The following CHCHD7 variants were observed in gnomAD, a reference collection of about 807,000 sequenced individuals.
CHCHD7 encodes the protein coiled-coil-helix-coiled-coil-helix domain containing 7.
Under a neutral mutation model 10.5 loss-of-function variants are expected in CHCHD7, and 7 were observed. That is an observed-to-expected ratio of 0.67 (90% CI 0.38 to 1.25). The LOEUF (loss-of-function observed/expected upper bound fraction) is 1.25, where lower values mean the gene tolerates loss of function less well. CHCHD7 is among the 50% of genes most tolerant of loss of function. CHCHD7 has a pLI of 0.02. For missense variants in CHCHD7, 100 were observed against 104.5 expected, an observed-to-expected ratio of 0.96 and a Z score of 0.19; for synonymous variants, 40 against 36.0, an observed-to-expected ratio of 1.11 and a Z score of -0.40.
At chr8:56,216,996 C>T (rs984323056) in intron 3 of CHCHD7, 27 of 421,382 alleles carry the variant, frequency 6.4e-5, no homozygotes, top group African/African-American at 3.0e-4. Context: ...TATTTCCTTT[C>T]GCTTTGCTAA....
intron 2 of CHCHD7, 163 bp downstream of exon 2, chr8:56,214,830 A>C (rs1813249149): frequency 5.9e-6 from 3 of 510,400 alleles, no homozygotes; most frequent in African/African-American, 5.7e-5. Context: ...TTAGATGTTT[A>C]TAATTTCTCT....
At chr8:56,214,490 G>C in intron 1 of CHCHD7, 108 bp from the exon 2 acceptor site, 1 of 714,632 alleles carries the variant, frequency 1.4e-6, no homozygotes, top group South Asian at 1.9e-5. Flanking sequence ...CTCACTAAGT[G>C]ATCATTATGC....
In CHCHD7 at chr8:56,217,773, T is replaced by G; in HGVS notation, c.*338T>G. 4.0e-6 allele frequency: 1 copy of G among 249,658 alleles called. No individual in the cohort carries two copies. The highest frequency in any genetic ancestry group is 7.8e-6 in the Non-Finnish European group (1 of 128,542). The allele number at this position is 249,658 out of a possible 1,614,324, so 15.5% of individuals were successfully genotyped here. On this transcript the variant is annotated 3_prime_UTR_variant, in exon 4 of 4. Coordinates refer to ENST00000355315, the MANE Select transcript of CHCHD7 (RefSeq NM_001011671.3). ...ATGGGGCTGAGATGAAGGCAATGTT[T>G]CCAAGGAAAGGAAATGTTATGAGCA...
At position 56,214,672 on chromosome 8, in the gene CHCHD7, G is replaced by A; in HGVS notation, c.54+5G>A. 1 of 1,612,756 alleles carries A rather than the reference G, an allele frequency of 6.2e-7. No homozygotes were observed. The highest frequency in any genetic ancestry group is 1.1e-5 in the South Asian group (1 of 91,004). ...GACATAAATCCTTGTTTGTCGGTAGGATGGTTTGCTTTAATTTTCATGAGT... is the reference window on the plus strand; with the variant it reads ...GACATAAATCCTTGTTTGTCGGTAGAATGGTTTGCTTTAATTTTCATGAGT... On this transcript the variant is annotated splice_donor_5th_base_variant and intron_variant, in intron 2 of 3. Coordinates refer to ENST00000355315, the MANE Select transcript of CHCHD7 (RefSeq NM_001011671.3).
chr8:56,217,523 C>G lies in CHCHD7; in HGVS notation c.*88C>G, dbSNP rs1446277295. 2 of 786,742 alleles carry G rather than the reference C, an allele frequency of 2.5e-6. No homozygotes were observed. The highest frequency in any genetic ancestry group is 4.2e-6 in the Non-Finnish European group (2 of 481,646). The allele number at this position is 786,742 out of a possible 1,614,324, so 48.7% of individuals were successfully genotyped here. ...CTGTAATATTTAAGACTGTACACCCCTCACCCAGACAGACCTTAAGTTCTT... is the reference window on the plus strand; with the variant it reads ...CTGTAATATTTAAGACTGTACACCCGTCACCCAGACAGACCTTAAGTTCTT... On this transcript the variant is annotated 3_prime_UTR_variant, in exon 4 of 4. Coordinates refer to ENST00000355315, the MANE Select transcript of CHCHD7 (RefSeq NM_001011671.3).
rs1416805193 is a variant in CHCHD7, at chr8:56,218,278, TA to T, written c.*844del. Reference sequence around the variant, plus strand: ...GGTGAACTCAACACTGGGATGAGACTAGAACTTCACTTTATGATATAAACAC... The same window carrying T: ...GGTGAACTCAACACTGGGATGAGACTGAACTTCACTTTATGATATAAACAC... On this transcript the variant is annotated 3_prime_UTR_variant, in exon 4 of 4. Transcript: ENST00000355315. The T allele has an allele frequency of 4.4e-6, 1 of 229,220 alleles. No homozygotes were observed. The highest frequency in any genetic ancestry group is 8.6e-6 in the Non-Finnish European group (1 of 115,720). The allele number at this position is 229,220 out of a possible 1,614,324, so 14.2% of individuals were successfully genotyped here.
At chr8:56,214,372 G>A (rs1813213569) in intron 1 of CHCHD7, 3 of 365,698 alleles carry the variant, frequency 8.2e-6, no homozygotes, top group South Asian at 1.1e-4. Flanking sequence ...CACCCAGCCA[G>A]TAGATGCATT....
In CHCHD7 at chr8:56,217,541, A is replaced by C; in HGVS notation, c.*106A>C. 1 of 666,084 alleles carries C rather than the reference A, an allele frequency of 1.5e-6. No individual in the cohort carries two copies. The highest frequency in any genetic ancestry group is 2.9e-5 in the East Asian group (1 of 33,978). 41.3% of individuals were successfully genotyped at this position (666,084 alleles called of 1,614,324 possible). On this transcript the variant is annotated 3_prime_UTR_variant, in exon 4 of 4. Transcript: ENST00000355315. Reference sequence around the variant, plus strand: ...TACACCCCTCACCCAGACAGACCTTAAGTTCTTCAAGTGGAGACAGTGAAG... The same window carrying C: ...TACACCCCTCACCCAGACAGACCTTCAGTTCTTCAAGTGGAGACAGTGAAG...
At position 56,217,623 on chromosome 8, in the gene CHCHD7, G is replaced by C. The variant is rs750270693; in HGVS notation, c.*188G>C. 8.3e-6 allele frequency: 4 copies of C among 481,510 alleles called. No homozygotes were observed. The highest frequency in any genetic ancestry group is 1.5e-5 in the Non-Finnish European group (4 of 268,382). The allele number at this position is 481,510 out of a possible 1,614,324, so 29.8% of individuals were successfully genotyped here. On this transcript the variant is annotated 3_prime_UTR_variant, in exon 4 of 4. Coordinates refer to ENST00000355315, the MANE Select transcript of CHCHD7 (RefSeq NM_001011671.3). ...GCCATGCCGATGGTATGTTGCTGTT[G>C]GCTGTGTTGTGGCATGAGTTTGCAT... is the stretch of plus-strand genomic sequence containing the variant.
intron 2 of CHCHD7, 48 bp downstream of exon 2, chr8:56,214,715 G>A (rs775223366): frequency 3.4e-6 from 5 of 1,466,256 alleles, no homozygotes; most frequent in Admixed American, 3.4e-5. Context: ...TGGAAAAACA[G>A]GCTGCTCTAG....
At position 56,217,679 on chromosome 8, in the gene CHCHD7, C is replaced by T. The variant is rs938133886; in HGVS notation, c.*244C>T. The stretch of plus-strand genomic sequence containing the variant: ...TCTGGAGGCATGGAGTTAGGTAAGG[C>T]TACATGAGAAATTGAGCTTTTCCAC... On this transcript the variant is annotated 3_prime_UTR_variant, in exon 4 of 4. Coordinates refer to ENST00000355315, the MANE Select transcript of CHCHD7 (RefSeq NM_001011671.3). 2.3e-5 allele frequency: 8 copies of T among 355,346 alleles called. No individual in the cohort carries two copies. The highest frequency in any genetic ancestry group is 3.6e-5 in the Non-Finnish European group (7 of 193,794). The allele number at this position is 355,346 out of a possible 1,614,324, so 22.0% of individuals were successfully genotyped here.
intron 2 of CHCHD7, 134 bp downstream of exon 2, chr8:56,214,801 C>T (rs566289633): frequency 1.4e-4 from 82 of 582,090 alleles, no homozygotes; most frequent in African/African-American, 1.3e-3. Flanking sequence ...CCAGCATATC[C>T]TATTTAACTA....
chr8:56,216,654 A>C, intron 3 of CHCHD7, 123 bp downstream of exon 3: 1 of 1,006,876 alleles, frequency 9.9e-7, no homozygotes, highest in East Asian at 2.6e-5. Flanking sequence ...TAACTTTTCA[A>C]CTTTATCCTC....
intron 3 of CHCHD7, 81 bp from the exon 4 acceptor site, chr8:56,217,250 A>G (rs1456002348): frequency 1.8e-5 from 14 of 788,512 alleles, no homozygotes; most frequent in Non-Finnish European, 2.6e-5. Context: ...AGGAAGCAAT[A>G]GCAAATTACT....
intron 3 of CHCHD7, 141 bp downstream of exon 3, chr8:56,216,672 T>C (rs1243765561): frequency 4.6e-6 from 4 of 877,974 alleles, no homozygotes; most frequent in South Asian, 2.8e-5. Flanking sequence ...CTCTGTGTGC[T>C]ACTTTAGCCG....
intron 1 of CHCHD7, 185 bp downstream of exon 1, chr8:56,212,022 G>C (rs1812995371): frequency 6.5e-6 from 1 of 152,878 alleles, no homozygotes; most frequent in South Asian, 2.1e-4. Flanking sequence ...TTCGCTCCGG[G>C]GGCGAGGAAG....
rs1243172630 is a variant in CHCHD7, at chr8:56,216,464, A to G, written c.86A>G (p.Glu29Gly). ...GATGCTTCCACCAGATGTCTGGATG[A>G]AAATAACTATGACAGGGAAAGGTGT... ...ESDASTRCLD[E>G]NNYDRERCST... Residue 29 changes from glutamate to glycine, a missense_variant, in exon 3 of 4, where the codon GAA becomes GGA. By Grantham distance (98) the Glu-to-Gly change is moderately conservative. Transcript: ENST00000355315. 1.2e-6 allele frequency: 2 copies of G among 1,614,042 alleles called. No homozygotes were observed. The highest frequency in any genetic ancestry group is 3.3e-5 in the Admixed American group (2 of 60,004).
rs1813452941 is a variant in CHCHD7, at chr8:56,217,884, T to A, written c.*449T>A. 1 of 232,686 alleles carries A rather than the reference T, an allele frequency of 4.3e-6. No individual in the cohort carries two copies. Among genetic ancestry groups the A allele is most frequent in the African/African-American group, 2.2e-5 (1 of 45,236 alleles). The allele number at this position is 232,686 out of a possible 1,614,324, so 14.4% of individuals were successfully genotyped here. Reference sequence around the variant, plus strand: ...CTAGAATCTCAGGTGGGTGGAGCAGTGGTGGGAGAAGACTGGAAAGGTAAG... The same window carrying A: ...CTAGAATCTCAGGTGGGTGGAGCAGAGGTGGGAGAAGACTGGAAAGGTAAG... On this transcript the variant is annotated 3_prime_UTR_variant, in exon 4 of 4. Coordinates refer to ENST00000355315, the MANE Select transcript of CHCHD7 (RefSeq NM_001011671.3).
chr8:56,214,033 TAAG>T (rs1813190103), intron 1 of CHCHD7: 1 of 152,260 alleles, frequency 6.6e-6, no homozygotes. Flanking sequence ...TGCTTAAACT[TAAG>T]AATAAGAGTA....
Sources: allele counts gnomAD v4.1 joint callset, GRCh38; gene constraint gnomAD v4.1.1; transcripts MANE v1.5; gene names NCBI Gene and HGNC (gene_info 2026-07-23, HGNC 2026-07-21).